Variants in INPP5D observed in about 807,000 individuals in gnomAD.
INPP5D encodes phosphatidylinositol 3,4,5-trisphosphate 5-phosphatase 1.
INPP5D carries 33 observed loss-of-function variants against 122.9 expected under a neutral mutation model. The ratio of observed to expected loss-of-function variants is 0.27; its 90% CI spans 0.20 to 0.36. The LOEUF is 0.36. Among genes scored for constraint, INPP5D ranks in the 10% least tolerant of loss-of-function variants. The pLI is 1.00. For synonymous variants in INPP5D, 584 were observed against 576.2 expected (o/e 1.01, Z -0.19); for missense variants, 1,053 against 1,412.7 (o/e 0.75, Z 4.08).
intron 22 of INPP5D, among the ~76,000 whole-genome samples, chr2:233,190,695 A>G (rs555614365): frequency 6.6e-6 from 1 of 152,310 alleles, no homozygotes; most frequent in South Asian, 2.1e-4. Flanking sequence ...CTCCAGCCCA[A>G]AGTCAGGCTC....
chr2:233,164,446 T>G lies in INPP5D; in HGVS notation c.1555+22T>G, dbSNP rs1182209081. 2.6e-6 allele frequency: 4 copies of G among 1,532,600 alleles called. No individual in the cohort carries two copies. The African/African-American group carries it at 5.5e-5, about 21-fold the overall frequency. The allele number at this position is 1,532,600 out of a possible 1,614,324, so 94.9% of individuals were successfully genotyped here. ...CTGGGTGAGCAGGGCGGGGACCCTG[T>G]GTTCCTCCCACACCCTCTGCCTCAA... On this transcript the variant is annotated intron_variant, in intron 13 of 26. Transcript: ENST00000445964. The surrounding 1 kb of genome is among the most constrained non-coding windows in gnomAD (Gnocchi z 4.3).
In INPP5D at chr2:233,204,487, CA is replaced by C; in HGVS notation, c.3338del (p.Gln1113ArgfsTer71). On this transcript the variant is annotated frameshift_variant, in exon 26 of 27. Coordinates refer to ENST00000445964, the MANE Select transcript of INPP5D (RefSeq NM_001017915.3). LOFTEE classifies it high-confidence loss of function. ...QGKPKTPVSSQAPVPAKRPIK... is the reference protein window; with the variant it reads ...QGKPKTPVSSXAPVPAKRPIK... ...GAAGCCCAAGACCCCGGTCAGCTCC[CA>C]GGCCCCGGTGCCGGCCAAGAGGCCC... 1.3e-6 allele frequency: 2 copies of C among 1,584,754 alleles called. No individual in the cohort carries two copies. The highest frequency in any genetic ancestry group is 1.7e-6 in the Non-Finnish European group (2 of 1,166,816).
At chr2:233,194,097 C>G in intron 23 of INPP5D, 136 bp downstream of exon 23, 1 of 1,366,188 alleles carries the variant, frequency 7.3e-7, no homozygotes, top group Non-Finnish European at 9.6e-7. Context: ...GAAAAGATCT[C>G]AGACAATCTG....
Position 233,170,354 on chromosome 2 carries a change from C to A in INPP5D, c.1792-142C>A. On this transcript the variant is annotated intron_variant, in intron 15 of 26. Coordinates refer to ENST00000445964, the MANE Select transcript of INPP5D (RefSeq NM_001017915.3). The surrounding 1 kb of genome is among the most constrained non-coding windows in gnomAD (Gnocchi z 4.5). ...CTCACGGTTCCCCTGTGCTCACACC[C>A]GGTTCCCATAACTGTCACAGCCACC... 3 of 1,489,052 alleles carry A rather than the reference C, an allele frequency of 2.0e-6. No individual in the cohort carries two copies. Among genetic ancestry groups the A allele is most frequent in the East Asian group, 4.9e-5 (2 of 40,536 alleles). 92.2% of individuals were successfully genotyped at this position (1,489,052 alleles called of 1,614,324 possible).
chr2:233,112,697 C>T (rs7599330), intron 2 of INPP5D, among the ~76,000 whole-genome samples: 1 of 151,926 alleles, frequency 6.6e-6, no homozygotes, highest in African/African-American at 2.4e-5. Context: ...AAAAATACCG[C>T]ATCTCACTCT....
At chr2:233,060,759 T>TGACA in intron 1 of INPP5D, 147 bp downstream of exon 1, 1 of 1,186,856 alleles carries the variant, frequency 8.4e-7, no homozygotes, top group Non-Finnish European at 1.2e-6. Context: ...ACCTTGTCCT[T>TGACA]GGAGTTCAGA....
intron 19 of INPP5D, among the ~76,000 whole-genome samples, chr2:233,184,196 G>A (rs756684299): frequency 7.2e-5 from 11 of 152,268 alleles, no homozygotes; most frequent in South Asian, 2.1e-4. Flanking sequence ...TTTCTGCCCC[G>A]CTCTCTGCCC....
intron 4 of INPP5D, among the ~76,000 whole-genome samples, chr2:233,127,560 G>A (rs111470212): frequency 1.1e-3 from 161 of 152,194 alleles, no homozygotes; most frequent in Non-Finnish European, 1.9e-3. Context: ...AGTAAAATTA[G>A]CCTTCTCAAA....
At chr2:233,099,037 C>T (rs922977896) in intron 2 of INPP5D, among the ~76,000 whole-genome samples, 10 of 151,910 alleles carry the variant, frequency 6.6e-5, no homozygotes, top group South Asian at 4.2e-4. Context: ...CTGCAACGTC[C>T]GCCTCCTTGT....
intron 1 of INPP5D, among the ~76,000 whole-genome samples, chr2:233,066,697 C>T (rs949501597): frequency 6.6e-6 from 1 of 152,142 alleles, no homozygotes; most frequent in Non-Finnish European, 1.5e-5. Context: ...ACCTCTGTCT[C>T]CCGGGTTGAA....
chr2:233,149,158 C>T (rs1260818638), intron 9 of INPP5D, among the ~76,000 whole-genome samples: 1 of 141,244 alleles, frequency 7.1e-6, no homozygotes, highest in African/African-American at 2.7e-5. Context: ...GACTGGAGTG[C>T]AGTGCCACGA....
At chr2:233,198,027 C>A in intron 24 of INPP5D, 68 bp from the exon 25 acceptor site, 5 of 1,463,288 alleles carry the variant, frequency 3.4e-6, no homozygotes, top group Non-Finnish European at 4.5e-6. Context: ...AGGACACTTT[C>A]CTTGGGCTGG....
chr2:233,192,359 G>A (rs1440809249), intron 22 of INPP5D, among the ~76,000 whole-genome samples: 1 of 152,066 alleles, frequency 6.6e-6, no homozygotes, highest in African/African-American at 2.4e-5. Flanking sequence ...CTCACAAGCA[G>A]CATATCATCA....
intron 2 of INPP5D, among the ~76,000 whole-genome samples, chr2:233,079,851 G>A (rs1465792235): frequency 1.3e-5 from 2 of 152,206 alleles, no homozygotes; most frequent in Non-Finnish European, 2.9e-5. Context: ...GTAGAACTCT[G>A]TTCTGTCCGA....
At chr2:233,162,770 G>A (rs111221549) in intron 11 of INPP5D, among the ~76,000 whole-genome samples, 7,224 of 152,240 alleles carry the variant, frequency 0.047, 566 homozygotes, top group African/African-American at 0.17. Context: ...CTTGTCACTC[G>A]TGTCCCAGGG....
chr2:233,086,681 T>C (rs1691861072), intron 2 of INPP5D, among the ~76,000 whole-genome samples: 2 of 152,210 alleles, frequency 1.3e-5, no homozygotes, highest in African/African-American at 2.4e-5. Context: ...CTAGATTTTC[T>C]GTTTTGTGAG....
At chr2:233,194,312 C>G (rs1031983921) in intron 23 of INPP5D, among the ~76,000 whole-genome samples, 7 of 152,134 alleles carry the variant, frequency 4.6e-5, no homozygotes, top group Admixed American at 1.3e-4. Flanking sequence ...TGGCTCCTTC[C>G]AGGCTGTCCG....
chr2:233,154,259 G>A lies in INPP5D; in HGVS notation c.1031-4054G>A, dbSNP rs182510505. On this transcript the variant is annotated intron_variant, in intron 9 of 26. Coordinates refer to ENST00000445964, the MANE Select transcript of INPP5D (RefSeq NM_001017915.3). ...CACCTCCTGGGTTCAGGCGATTCTC[G>A]TGCCTCAGCCTCCCAGGTAGCTGGG... 9.9e-5 allele frequency among the ~76,000 whole-genome samples: 15 copies of A among 152,206 alleles called. No individual in the cohort carries two copies. The East Asian group carries it at 1.9e-3, about 20-fold the overall frequency.
chr2:233,119,355 G>A (rs1692898235), intron 2 of INPP5D, among the ~76,000 whole-genome samples: 1 of 152,028 alleles, frequency 6.6e-6, no homozygotes, highest in South Asian at 2.1e-4. Context: ...CACTTTTCAC[G>A]ACTGCTTTAA....
Sources: gnomAD v4.1 joint callset for allele counts (sites outside exome capture counted in the v4.1 genomes callset) on GRCh38, gnomAD v4.1.1 for gene constraint, Gnocchi (gnomAD v3.1) non-coding constraint, MANE v1.5 for transcripts, NCBI Gene and HGNC (gene_info 2026-07-23, HGNC 2026-07-21) for gene names.